Variants in CAMK2D observed in about 807,000 individuals in gnomAD.
The protein encoded by CAMK2D is calcium/calmodulin-dependent protein kinase type II subunit delta.
In CAMK2D, 37 loss-of-function variants were observed where a neutral mutation model predicts 84.0. The ratio of observed to expected loss-of-function variants is 0.44; its 90% CI spans 0.34 to 0.58. The LOEUF is 0.58. Ranked by LOEUF, CAMK2D falls within the 20% of genes least tolerant of loss-of-function variation. CAMK2D has a pLI of 0.02. For missense variants in CAMK2D, 448 were observed against 652.5 expected (o/e 0.69, Z 3.41); for synonymous variants, 202 against 212.5 (o/e 0.95, Z 0.43).
chr4:113,569,018 A>G (rs2154219477), intron 4 of CAMK2D, among the ~76,000 whole-genome samples: 1 of 151,606 alleles, frequency 6.6e-6, no homozygotes, highest in African/African-American at 2.4e-5. Context: ...ATTTGCAAAT[A>G]TTTTCTCCTA....
intron 3 of CAMK2D, among the ~76,000 whole-genome samples, chr4:113,610,291 A>G (rs1324987982): frequency 6.6e-6 from 1 of 152,192 alleles, no homozygotes; most frequent in Non-Finnish European, 1.5e-5. Flanking sequence ...CACTGGGAGC[A>G]AAAGAAGGCA....
At chr4:113,554,163 C>T (rs2098648754) in intron 4 of CAMK2D, among the ~76,000 whole-genome samples, 1 of 152,084 alleles carries the variant, frequency 6.6e-6, no homozygotes, top group Non-Finnish European at 1.5e-5. Flanking sequence ...TCTCAACTTA[C>T]TGATCTTTGT....
At position 113,721,917 on chromosome 4, in the gene CAMK2D, C is replaced by T. The variant is rs62313092; in HGVS notation, c.160+37403G>A. Among the ~76,000 whole-genome samples the T allele has an allele frequency of 5.8e-3, 877 of 152,184 alleles. 2 individuals are homozygous for T. Among genetic ancestry groups the T allele is most frequent in the Admixed American group, 9.8e-3 (150 of 15,274 alleles). On this transcript the variant is annotated intron_variant, in intron 2 of 20. Transcript: ENST00000511664. Reference sequence around the variant, plus strand: ...ACCCACTTGTCTTTCTTAAAGAAACCTATTTGTTCTTCCCACAGGAGCCTT... The same window carrying T: ...ACCCACTTGTCTTTCTTAAAGAAACTTATTTGTTCTTCCCACAGGAGCCTT...
At chr4:113,649,108 T>C (rs570451534) in intron 3 of CAMK2D, among the ~76,000 whole-genome samples, 1 of 152,254 alleles carries the variant, frequency 6.6e-6, no homozygotes, top group Admixed American at 6.5e-5. Context: ...CACAGCAACA[T>C]CTTTGGTAGC....
intron 2 of CAMK2D, among the ~76,000 whole-genome samples, chr4:113,691,969 A>G (rs1271856226): frequency 5.3e-5 from 8 of 152,194 alleles, no homozygotes; most frequent in Admixed American, 3.3e-4. Context: ...AAAGAAAAAT[A>G]GCAATACATG....
chr4:113,680,784 C>T (rs72895924), intron 2 of CAMK2D, among the ~76,000 whole-genome samples: 10,821 of 152,194 alleles, frequency 0.071, 489 homozygotes, highest in African/African-American at 0.13. Context: ...CATTAGGATA[C>T]GGAGTGATGG....
chr4:113,513,717 A>C, intron 11 of CAMK2D, 113 bp downstream of exon 11: 1 of 614,650 alleles, frequency 1.6e-6, no homozygotes, highest in East Asian at 2.8e-5. Flanking sequence ...GAATAATGAG[A>C]GTATTGAGGT....
At chr4:113,594,606 C>T (rs1212538969) in intron 4 of CAMK2D, among the ~76,000 whole-genome samples, 1 of 152,134 alleles carries the variant, frequency 6.6e-6, no homozygotes, top group African/African-American at 2.4e-5. Flanking sequence ...GCTAGCTTGA[C>T]CATCAAAAGC....
At chr4:113,614,418 G>A (rs1263289970) in intron 3 of CAMK2D, among the ~76,000 whole-genome samples, 1 of 152,008 alleles carries the variant, frequency 6.6e-6, no homozygotes, top group Non-Finnish European at 1.5e-5. Context: ...TTGGCTATGT[G>A]ATTTGCTTTG....
chr4:113,515,447 T>C (rs1175067959), intron 9 of CAMK2D, among the ~76,000 whole-genome samples: 1 of 152,146 alleles, frequency 6.6e-6, no homozygotes, highest in Non-Finnish European at 1.5e-5. Flanking sequence ...ATATGGTAAA[T>C]ACATTTTAAA....
chr4:113,478,283 C>G (rs1284687699), intron 16 of CAMK2D, among the ~76,000 whole-genome samples: 1 of 152,178 alleles, frequency 6.6e-6, no homozygotes, highest in Non-Finnish European at 1.5e-5. Flanking sequence ...TCCTCAATAA[C>G]TTACAACACT....
chr4:113,543,371 G>A (rs2098544081), intron 6 of CAMK2D, among the ~76,000 whole-genome samples: 1 of 140,968 alleles, frequency 7.1e-6, no homozygotes, highest in Non-Finnish European at 1.5e-5. Flanking sequence ...TTTCACATAT[G>A]TATATATATT....
At chr4:113,612,929 G>A (rs1038855117) in intron 3 of CAMK2D, among the ~76,000 whole-genome samples, 14 of 152,032 alleles carry the variant, frequency 9.2e-5, no homozygotes, top group African/African-American at 3.1e-4. Context: ...TTGCAGGATC[G>A]CTGCTTTCTC....
At chr4:113,513,136 G>C in intron 12 of CAMK2D, 192 bp downstream of exon 12, 1 of 982,900 alleles carries the variant, frequency 1.0e-6, no homozygotes, top group Non-Finnish European at 1.2e-6. Context: ...ACGGAGGCTC[G>C]GCAGCAGACA....
intron 9 of CAMK2D, 50 bp downstream of exon 9, chr4:113,517,513 A>G: frequency 1.2e-6 from 1 of 818,008 alleles, no homozygotes; most frequent in Non-Finnish European, 2.0e-6. Flanking sequence ...CTTGGTCAAC[A>G]GGCAAAAGAC....
Position 113,661,713 on chromosome 4 carries a change from C to A in CAMK2D, c.220G>T (p.Val74Leu). 1 of 1,342,658 alleles carries A rather than the reference C, an allele frequency of 7.4e-7. No homozygotes were observed. Among genetic ancestry groups the A allele is most frequent in the Non-Finnish European group, 1.0e-6 (1 of 983,448 alleles). The allele number at this position is 1,342,658 out of a possible 1,614,324, so 83.2% of individuals were successfully genotyped here. Residue 74 changes from valine to leucine, a missense_variant and splice_region_variant, in exon 3 of 21, where the codon GTG becomes TTG. This residue lies in a region of CAMK2D where 46 missense variants were observed against 46.3 expected (regional missense o/e 0.99). Transcript: ENST00000511664. Reference sequence around the variant, plus strand: ...AAAAACATTAAAAATACGTTCTCACCAATATTAGGGTGCTTCAAAAGACGG... The same window carrying A: ...AAAAACATTAAAAATACGTTCTCACAAATATTAGGGTGCTTCAAAAGACGG... ...ICRLLKHPNI[V>L]RLHDSISEEG... is the part of the protein sequence containing the mutation.
chr4:113,532,875 A>G (rs2098467172), intron 7 of CAMK2D, among the ~76,000 whole-genome samples: 1 of 147,230 alleles, frequency 6.8e-6, no homozygotes, highest in South Asian at 2.1e-4. Context: ...TTTTTTCTCT[A>G]CCTCTTTTCT....
intron 16 of CAMK2D, among the ~76,000 whole-genome samples, chr4:113,485,679 G>C (rs1196778270): frequency 1.3e-5 from 2 of 152,086 alleles, no homozygotes; most frequent in Non-Finnish European, 2.9e-5. Context: ...TATTCCTCAG[G>C]TGCTTGGTAC....
At chr4:113,742,577 T>C (rs1434014599) in intron 2 of CAMK2D, among the ~76,000 whole-genome samples, 4 of 152,036 alleles carry the variant, frequency 2.6e-5, no homozygotes, top group Non-Finnish European at 5.9e-5. Flanking sequence ...TTCATTTTTT[T>C]TTTTTCCTCA....
Sources: allele counts gnomAD v4.1 joint callset (sites outside exome capture counted in the v4.1 genomes callset), GRCh38; gene constraint gnomAD v4.1.1; regional missense constraint gnomAD v4.1.1; transcripts MANE v1.5; gene names NCBI Gene and HGNC (gene_info 2026-07-23, HGNC 2026-07-21).